PBX3: variants seen among roughly 807,000 people sequenced by gnomAD.
PBX3 encodes the protein PBX homeobox 3, also known as pre-B-cell leukemia transcription factor 3.
PBX3 carries 14 observed loss-of-function variants against 48.5 expected under a neutral mutation model. That is an observed-to-expected ratio of 0.29 (90% CI 0.19 to 0.45). PBX3 has a LOEUF of 0.45. Among genes scored for constraint, PBX3 ranks in the 20% least tolerant of loss-of-function variants. The pLI is 1.00. For missense variants in PBX3, 386 were observed against 546.7 expected (o/e 0.71, Z 2.93); for synonymous variants, 210 against 200.3 (o/e 1.05, Z -0.41).
intron 5 of PBX3, among the ~76,000 whole-genome samples, chr9:125,937,913 A>T (rs923461626): frequency 1.3e-5 from 2 of 152,184 alleles, no homozygotes; most frequent in African/African-American, 4.8e-5. Flanking sequence ...CTCCAGCCTC[A>T]GCCTCCCAAA....
intron 2 of PBX3, among the ~76,000 whole-genome samples, chr9:125,905,450 C>T (rs1841047600): frequency 6.6e-6 from 1 of 151,982 alleles, no homozygotes. Context: ...GACTCACATT[C>T]ATTTCTTATC....
At chr9:125,803,376 C>T (rs1408164416) in intron 2 of PBX3, among the ~76,000 whole-genome samples, 1 of 152,064 alleles carries the variant, frequency 6.6e-6, no homozygotes, top group Non-Finnish European at 1.5e-5. Context: ...GCATGAGCCA[C>T]TGTGCCCGGC....
At chr9:125,793,081 G>A (rs1425352455) in intron 2 of PBX3, among the ~76,000 whole-genome samples, 2 of 151,678 alleles carry the variant, frequency 1.3e-5, no homozygotes, top group Admixed American at 6.6e-5. Context: ...GGCCAGGTAC[G>A]GTGGCTCATG....
intron 2 of PBX3, among the ~76,000 whole-genome samples, chr9:125,911,917 G>A (rs966433260): frequency 8.6e-5 from 13 of 151,972 alleles, no homozygotes; most frequent in African/African-American, 3.1e-4. Context: ...AATATTGTAG[G>A]GCTAGATCTT....
chr9:125,890,005 G>A (rs1465792234), intron 2 of PBX3, among the ~76,000 whole-genome samples: 1 of 152,020 alleles, frequency 6.6e-6, no homozygotes, highest in African/African-American at 2.4e-5. Context: ...GAGAGAACGC[G>A]CGTTGCCCGC....
chr9:125,952,212 A>G (rs1232269490), intron 5 of PBX3, among the ~76,000 whole-genome samples: 1 of 152,202 alleles, frequency 6.6e-6, no homozygotes, highest in African/African-American at 2.4e-5. Context: ...AAATTTTTCT[A>G]AGATTTGTGC....
intron 2 of PBX3, among the ~76,000 whole-genome samples, chr9:125,854,023 AATACAC>A (rs1440711747): frequency 6.6e-6 from 1 of 152,064 alleles, no homozygotes; most frequent in Non-Finnish European, 1.5e-5. Flanking sequence ...CAAACACGCA[AATACAC>A]ATACACATGC....
At chr9:125,958,306 C>T (rs772285082) in intron 5 of PBX3, among the ~76,000 whole-genome samples, 1 of 152,200 alleles carries the variant, frequency 6.6e-6, no homozygotes, top group Non-Finnish European at 1.5e-5. Context: ...CTCAGGCCCT[C>T]ATGGCTTCCT....
Position 125,919,359 on chromosome 9 carries a change from A to ATTT in PBX3, c.516+3453_516+3455dup, listed in dbSNP as rs34891465. Among the ~76,000 whole-genome samples the ATTT allele has an allele frequency of 1.8e-3, 182 of 102,742 alleles. 4 individuals carry two copies. Among genetic ancestry groups the ATTT allele is most frequent in the African/African-American group, 6.2e-3 (163 of 26,286 alleles). The allele number at this position is 102,742 out of a possible 152,430, so 67.4% of individuals were successfully genotyped here. A position where few individuals can be genotyped will look rare whatever the true frequency, so the allele number is the denominator to read the frequency against. ...AGGCGTCTGCCATCATGCCCGTCTAATTTTTTTTTTTTTTTTTTTTTTTGT... is the reference window on the plus strand; with the variant it reads ...AGGCGTCTGCCATCATGCCCGTCTAATTTTTTTTTTTTTTTTTTTTTTTTTTGT... On this transcript the variant is annotated intron_variant, in intron 3 of 8. Transcript: ENST00000373489.
chr9:125,762,287 T>C (rs1419910712), intron 2 of PBX3, among the ~76,000 whole-genome samples: 3 of 152,178 alleles, frequency 2.0e-5, no homozygotes, highest in African/African-American at 7.2e-5. Context: ...GTTAACTGAT[T>C]GCAAGAAGTG....
intron 2 of PBX3, among the ~76,000 whole-genome samples, chr9:125,780,729 C>T (rs1191805119): frequency 6.4e-4 from 10 of 15,674 alleles, no homozygotes; most frequent in East Asian, 5.3e-3. Flanking sequence ...GGGGGCTGAC[C>T]CCCCCCACCT....
intron 6 of PBX3, among the ~76,000 whole-genome samples, chr9:125,961,362 TATGGTGCTTA>T (rs1362462786): frequency 2.0e-5 from 3 of 152,202 alleles, no homozygotes; most frequent in East Asian, 3.9e-4. Flanking sequence ...CTGTGAGGGT[TATGGTGCTTA>T]ATACATGCAT....
At chr9:125,933,987 T>C (rs963025013) in intron 4 of PBX3, among the ~76,000 whole-genome samples, 1 of 152,160 alleles carries the variant, frequency 6.6e-6, no homozygotes, top group African/African-American at 2.4e-5. Context: ...CTAACTGTTC[T>C]TCTTTTTGGT....
At chr9:125,865,758 C>G (rs937601290) in intron 2 of PBX3, among the ~76,000 whole-genome samples, 20 of 152,104 alleles carry the variant, frequency 1.3e-4, no homozygotes, top group African/African-American at 4.8e-4. Flanking sequence ...TATAAAAAAG[C>G]TAAGGATTAG....
intron 4 of PBX3, among the ~76,000 whole-genome samples, chr9:125,932,479 G>A (rs570323488): frequency 2.0e-4 from 31 of 152,270 alleles, no homozygotes; most frequent in African/African-American, 7.5e-4. Flanking sequence ...CACAATTCTA[G>A]CAAATGACTT....
Position 125,896,594 on chromosome 9 carries a change from C to T in PBX3, c.275-19092C>T, listed in dbSNP as rs376483994. Among the ~76,000 whole-genome samples, 5 of 152,010 alleles carry T rather than the reference C, an allele frequency of 3.3e-5. No homozygotes were observed. The East Asian group carries it at 9.6e-4, about 29-fold the overall frequency. On this transcript the variant is annotated intron_variant, in intron 2 of 8. Coordinates refer to ENST00000373489, the MANE Select transcript of PBX3 (RefSeq NM_006195.6). ...CTCGTAAAACTAAATGTGTGCTTGG[C>T]TGTTATGGTTAGGATGTCTCAACTG...
At chr9:125,892,029 C>T (rs1037058510) in intron 2 of PBX3, among the ~76,000 whole-genome samples, 1 of 152,278 alleles carries the variant, frequency 6.6e-6, no homozygotes, top group Non-Finnish European at 1.5e-5. Context: ...AAGCAATTCT[C>T]CTGCCCCGGC....
At position 125,966,644 on chromosome 9, in the gene PBX3, T is replaced by G. The variant is rs1396798446; in HGVS notation, c.*721T>G. 1 of 152,728 alleles carries G rather than the reference T, an allele frequency of 6.5e-6. No individual in the cohort carries two copies. Among genetic ancestry groups the G allele is most frequent in the African/African-American group, 2.4e-5 (1 of 41,462 alleles). 9.5% of individuals were successfully genotyped at this position (152,728 alleles called of 1,614,324 possible). A position where few individuals can be genotyped will look rare whatever the true frequency, so the allele number is the denominator to read the frequency against. On this transcript the variant is annotated 3_prime_UTR_variant, in exon 9 of 9. Coordinates refer to ENST00000373489, the MANE Select transcript of PBX3 (RefSeq NM_006195.6). ...GGGTTTTACGGTGTGCACTGGGTGC[T>G]GCACAGACTTGTCAAGGTTTGCTAC...
intron 2 of PBX3, among the ~76,000 whole-genome samples, chr9:125,895,589 C>T (rs1462863027): frequency 1.3e-5 from 2 of 151,942 alleles, no homozygotes; most frequent in African/African-American, 2.4e-5. Flanking sequence ...TAAATCTGTC[C>T]AGGTCTACTA....
Sources: allele counts gnomAD v4.1 joint callset (sites outside exome capture counted in the v4.1 genomes callset), GRCh38; gene constraint gnomAD v4.1.1; transcripts MANE v1.5; gene names NCBI Gene and HGNC (gene_info 2026-07-23, HGNC 2026-07-21).